Variants in GRID2 observed in about 807,000 individuals in gnomAD.
GRID2 encodes the protein glutamate receptor ionotropic, delta-2.
GRID2 carries 33 observed loss-of-function variants against 114.8 expected under a neutral mutation model. That is an observed-to-expected ratio of 0.29 (90% CI 0.22 to 0.38). GRID2 has a LOEUF of 0.38. Among genes scored for constraint, GRID2 ranks in the 10% least tolerant of loss-of-function variants. GRID2 has a pLI of 1.00. For missense variants in GRID2, 1,184 were observed against 1,257.7 expected (o/e 0.94, Z 0.89); for synonymous variants, 505 against 449.9 (o/e 1.12, Z -1.55).
chr4:92,434,869 C>A (rs1318856617), intron 1 of GRID2, among the ~76,000 whole-genome samples: 1 of 152,066 alleles, frequency 6.6e-6, no homozygotes, highest in African/African-American at 2.4e-5. Context: ...TTTAGCACCC[C>A]TTAATCCCTA....
intron 8 of GRID2, among the ~76,000 whole-genome samples, chr4:93,393,513 G>T (rs1425464945): frequency 6.6e-6 from 1 of 151,822 alleles, no homozygotes; most frequent in Non-Finnish European, 1.5e-5. Context: ...CATTGCCTAG[G>T]TTAGAAGATT....
intron 2 of GRID2, among the ~76,000 whole-genome samples, chr4:93,034,891 C>T (rs996577488): frequency 5.3e-5 from 8 of 152,118 alleles, no homozygotes; most frequent in East Asian, 1.9e-4. Context: ...TGGCTGGCCC[C>T]GTGCGTGTTC....
chr4:93,144,311 G>A (rs1736013854), intron 4 of GRID2, among the ~76,000 whole-genome samples: 2 of 152,200 alleles, frequency 1.3e-5, no homozygotes, highest in South Asian at 4.1e-4. Flanking sequence ...ATGTGCATAA[G>A]CTCATTATGT....
At chr4:93,113,993 G>A (rs760929512) in intron 4 of GRID2, among the ~76,000 whole-genome samples, 27 of 152,096 alleles carry the variant, frequency 1.8e-4, no homozygotes, top group Middle Eastern at 3.2e-3. Context: ...GAAAGTAAGG[G>A]TAAATTATGG....
At chr4:93,129,400 T>A (rs756055605) in intron 4 of GRID2, among the ~76,000 whole-genome samples, 2 of 152,170 alleles carry the variant, frequency 1.3e-5, no homozygotes, top group African/African-American at 4.8e-5. Flanking sequence ...AAACTAATAG[T>A]GCAGGATCCC....
At chr4:92,449,713 C>CTT (rs1720802604) in intron 1 of GRID2, among the ~76,000 whole-genome samples, 1 of 69,598 alleles carries the variant, frequency 1.4e-5, no homozygotes, top group South Asian at 4.7e-4. Flanking sequence ...ATATATATAA[C>CTT]ACTTAAGCCA....
chr4:92,526,833 A>G (rs532835508), intron 1 of GRID2, among the ~76,000 whole-genome samples: 1 of 152,184 alleles, frequency 6.6e-6, no homozygotes, highest in Non-Finnish European at 1.5e-5. Flanking sequence ...AATGTGAAAT[A>G]TATTCAGTAC....
At chr4:92,703,702 C>T (rs965063136) in intron 2 of GRID2, among the ~76,000 whole-genome samples, 5 of 150,942 alleles carry the variant, frequency 3.3e-5, no homozygotes, top group Admixed American at 6.6e-5. Flanking sequence ...TATTGCCTAG[C>T]ACATGATGCA....
chr4:93,306,877 T>C (rs1256706982), intron 8 of GRID2, among the ~76,000 whole-genome samples: 1 of 152,182 alleles, frequency 6.6e-6, no homozygotes, highest in Non-Finnish European at 1.5e-5. Flanking sequence ...TGATAAAATG[T>C]AAATTTAAAT....
intron 2 of GRID2, among the ~76,000 whole-genome samples, chr4:92,926,274 G>T (rs1295257228): frequency 1.3e-5 from 2 of 151,898 alleles, no homozygotes. Flanking sequence ...TTTGAAGATG[G>T]TTAATTTACG....
At position 92,667,081 on chromosome 4, in the gene GRID2, G is replaced by A. The variant is rs577114700; in HGVS notation, c.244+76795G>A. ...GCCATAGAGTTTGTTAGTGTGAAAG[G>A]TGGCTGCTGTCGAGTTAAGAAGTGA... is the stretch of plus-strand genomic sequence containing the variant. On this transcript the variant is annotated intron_variant, in intron 2 of 15. Transcript: ENST00000282020. Among the ~76,000 whole-genome samples the A allele has an allele frequency of 4.6e-5, 7 of 151,612 alleles. No homozygotes were observed. The East Asian group carries it at 1.4e-3, about 30-fold the overall frequency.
At chr4:92,641,279 C>T (rs1731334442) in intron 2 of GRID2, among the ~76,000 whole-genome samples, 1 of 142,048 alleles carries the variant, frequency 7.0e-6, no homozygotes, top group Non-Finnish European at 1.5e-5. Context: ...GAACATTGTT[C>T]CTTTTTGTTA....
At chr4:92,443,501 G>A (rs1425818191) in intron 1 of GRID2, among the ~76,000 whole-genome samples, 1 of 151,938 alleles carries the variant, frequency 6.6e-6, no homozygotes, top group Non-Finnish European at 1.5e-5. Context: ...AGGGGTTTGG[G>A]GGTTCTTACC....
intron 2 of GRID2, among the ~76,000 whole-genome samples, chr4:92,834,139 C>CT (rs1742299029): frequency 6.6e-6 from 1 of 151,996 alleles, no homozygotes; most frequent in South Asian, 2.1e-4. Context: ...TCCCCTGAAC[C>CT]TTTATATTTA....
intron 2 of GRID2, among the ~76,000 whole-genome samples, chr4:93,048,780 A>G (rs1726412752): frequency 6.6e-6 from 1 of 152,098 alleles, no homozygotes; most frequent in South Asian, 2.1e-4. Context: ...GTTAAAGGGA[A>G]AGACAGTAGT....
At chr4:93,050,674 T>A (rs946700876) in intron 2 of GRID2, among the ~76,000 whole-genome samples, 1 of 152,028 alleles carries the variant, frequency 6.6e-6, no homozygotes, top group Admixed American at 6.6e-5. Flanking sequence ...GATGAATGAA[T>A]ACATTCGACT....
chr4:92,934,650 A>C (rs1472412264), intron 2 of GRID2, among the ~76,000 whole-genome samples: 1 of 146,726 alleles, frequency 6.8e-6, no homozygotes, highest in Non-Finnish European at 1.5e-5. Flanking sequence ...CTACAAGGCT[A>C]CAGTAACCAA....
chr4:92,876,260 C>A (rs551393256), intron 2 of GRID2, among the ~76,000 whole-genome samples: 14 of 150,146 alleles, frequency 9.3e-5, no homozygotes, highest in Non-Finnish European at 2.1e-4. Flanking sequence ...TTAAAAAAAC[C>A]CAATTATCTT....
intron 8 of GRID2, among the ~76,000 whole-genome samples, chr4:93,364,368 A>C (rs1004884079): frequency 6.6e-6 from 1 of 152,292 alleles, no homozygotes; most frequent in East Asian, 1.9e-4. Context: ...CTTTTAATAT[A>C]TAAACTATCA....
Sources: gnomAD v4.1 joint callset for allele counts (sites outside exome capture counted in the v4.1 genomes callset) on GRCh38, gnomAD v4.1.1 for gene constraint, MANE v1.5 for transcripts, NCBI Gene and HGNC (gene_info 2026-07-23, HGNC 2026-07-21) for gene names.